The following RACGAP1 variants were observed in gnomAD, a reference collection of about 807,000 sequenced individuals.
The protein encoded by RACGAP1 is Rac GTPase activating protein 1.
In RACGAP1, 30 loss-of-function variants were observed where a neutral mutation model predicts 78.1. That is an observed-to-expected ratio of 0.38 (90% CI 0.29 to 0.52). RACGAP1 has a LOEUF of 0.52. RACGAP1 is among the 20% of genes least tolerant of loss of function. The pLI is 0.82. For synonymous variants in RACGAP1, 231 were observed against 264.8 expected (o/e 0.87, Z 1.24); for missense variants, 587 against 777.1 (o/e 0.76, Z 2.91).
At chr12:50,028,423 G>A (rs977041448), upstream of RACGAP1, among the ~76,000 whole-genome samples, 2 of 152,308 alleles carry the variant, frequency 1.3e-5, no homozygotes, top group South Asian at 2.1e-4. Context: ...TCCAACCCCA[G>A]TGAAACTGTT....
At position 49,999,287 on chromosome 12, in the gene RACGAP1, C is replaced by A; in HGVS notation, c.749-16G>T. ...TGTAAAGTACCTAGAAAACAAGCAA[C>A]TTTTAAGCTTTGTGTCTTAAGTATT... On this transcript the variant is annotated splice_polypyrimidine_tract_variant and intron_variant, in intron 8 of 16. Coordinates refer to ENST00000312377, the MANE Select transcript of RACGAP1 (RefSeq NM_001319999.2). 1 of 1,589,410 alleles carries A rather than the reference C, an allele frequency of 6.3e-7. No individual in the cohort carries two copies. Among genetic ancestry groups the A allele is most frequent in the Non-Finnish European group, 8.5e-7 (1 of 1,173,350 alleles).
chr12:50,019,431 G>T (rs1010137616), intron 1 of RACGAP1, among the ~76,000 whole-genome samples: 3 of 152,078 alleles, frequency 2.0e-5, no homozygotes, highest in Non-Finnish European at 4.4e-5. Context: ...AAAAAAAATT[G>T]ATAAGTGTTA....
chr12:50,033,344 G>C (rs2137782932), upstream of RACGAP1, among the ~76,000 whole-genome samples: 1 of 152,158 alleles, frequency 6.6e-6, no homozygotes, highest in East Asian at 1.9e-4. Context: ...TGTGTTCTGG[G>C]GGTCCAGGGA....
In RACGAP1 at chr12:49,990,030, G is replaced by C; in HGVS notation, c.*238C>G. Reference sequence around the variant, plus strand: ...ATACTAACCCTTCTACCCCTGGAAAGATGTCTCATCTAAAAGCTCCCAACA... The same window carrying C: ...ATACTAACCCTTCTACCCCTGGAAACATGTCTCATCTAAAAGCTCCCAACA... On this transcript the variant is annotated 3_prime_UTR_variant, in exon 17 of 17. Transcript: ENST00000312377. The C allele has an allele frequency of 2.4e-6, 1 of 421,944 alleles. No homozygotes were observed. Among genetic ancestry groups the C allele is most frequent in the East Asian group, 3.2e-5 (1 of 30,796 alleles). 26.1% of individuals were successfully genotyped at this position (421,944 alleles called of 1,614,324 possible). A position where few individuals can be genotyped will look rare whatever the true frequency, so the allele number is the denominator to read the frequency against.
chr12:50,030,955 T>A (rs887573666), intron 2 of RACGAP1, among the ~76,000 whole-genome samples: 2 of 151,388 alleles, frequency 1.3e-5, no homozygotes, highest in Admixed American at 1.3e-4. Context: ...ACTTTTTGTA[T>A]TTTTAGTAGA....
chr12:50,020,892 C>A (rs1267011096), intron 1 of RACGAP1, among the ~76,000 whole-genome samples: 5 of 152,172 alleles, frequency 3.3e-5, no homozygotes, highest in Non-Finnish European at 7.4e-5. Flanking sequence ...ATGGCACTAG[C>A]AGAATATAAT....
chr12:50,020,674 C>T (rs1415705492), intron 1 of RACGAP1, among the ~76,000 whole-genome samples: 1 of 152,136 alleles, frequency 6.6e-6, no homozygotes, highest in East Asian at 1.9e-4. Flanking sequence ...CAGACCTACT[C>T]AGAGACCTCC....
intron 12 of RACGAP1, among the ~76,000 whole-genome samples, chr12:49,992,886 G>T (rs1592129969): frequency 6.6e-6 from 1 of 152,304 alleles, no homozygotes; most frequent in East Asian, 1.9e-4. Context: ...AAAGCAGTTG[G>T]CAACTGATGT....
In RACGAP1 at chr12:49,990,737, T is replaced by C. The variant is rs1437883537; in HGVS notation, c.1770A>G (p.Ser590=). The C allele has an allele frequency of 1.2e-6, 2 of 1,614,096 alleles. No individual in the cohort carries two copies. Among genetic ancestry groups the C allele is most frequent in the African/African-American group, 1.3e-5 (1 of 75,048 alleles). ...TPEHQLLKTP[S]SSSLSQRVRS... ...GGACTCTCTGTGACAGGGAACTAGA[T>C]GAAGGAGTCTTGAGAAGCTGATGTT... Residue 590 remains serine, a synonymous_variant, in exon 16 of 17, where the codon TCA becomes TCG. Transcript: ENST00000312377.
intron 10 of RACGAP1, among the ~76,000 whole-genome samples, chr12:49,995,111 G>A (rs145556456): frequency 4.3e-4 from 66 of 152,312 alleles, no homozygotes; most frequent in African/African-American, 1.6e-3. Context: ...CACTGTAGGA[G>A]GCCGAGGTGG....
At chr12:50,000,785 C>T (rs747154551) in intron 7 of RACGAP1, among the ~76,000 whole-genome samples, 12 of 152,176 alleles carry the variant, frequency 7.9e-5, no homozygotes, top group Non-Finnish European at 1.5e-4. Flanking sequence ...CACGGAGGCT[C>T]ACGCCTGTAA....
At chr12:50,025,363 G>A in intron 1 of RACGAP1, 35 bp downstream of exon 1, 1 of 985,722 alleles carries the variant, frequency 1.0e-6, no homozygotes, top group Non-Finnish European at 1.2e-6. Flanking sequence ...CAATCCAGCG[G>A]CAGACGCACC....
chr12:50,005,460 G>A lies in RACGAP1; in HGVS notation c.289-68C>T, dbSNP rs1026378810. ...AGAAAGCTTCACCTCAAGTTTATGG[G>A]ACAGGCAGACCAGAAGACATTAAAA... On this transcript the variant is annotated intron_variant, in intron 3 of 16. Coordinates refer to ENST00000312377, the MANE Select transcript of RACGAP1 (RefSeq NM_001319999.2). 29 of 1,575,884 alleles carry A rather than the reference G, an allele frequency of 1.8e-5. No individual in the cohort carries two copies. The South Asian group carries it at 3.0e-4, about 17-fold the overall frequency.
chr12:50,016,251 C>T (rs772380888), intron 2 of RACGAP1, among the ~76,000 whole-genome samples: 2 of 152,006 alleles, frequency 1.3e-5, no homozygotes, highest in African/African-American at 4.8e-5. Context: ...GGCGTGGTGG[C>T]GTGTGTCTGT....
At position 50,002,253 on chromosome 12, in the gene RACGAP1, TTC is replaced by T; in HGVS notation, c.541_542del (p.Glu181LysfsTer6). The T allele has an allele frequency of 6.2e-7, 1 of 1,613,190 alleles. No homozygotes were observed. Among genetic ancestry groups the T allele is most frequent in the Non-Finnish European group, 8.5e-7 (1 of 1,179,378 alleles). On this transcript the variant is annotated frameshift_variant, in exon 6 of 17. Coordinates refer to ENST00000312377, the MANE Select transcript of RACGAP1 (RefSeq NM_001319999.2). LOFTEE classifies it high-confidence loss of function. Reference protein sequence around the residue: ...LVKTFKLKKREKRRSTSRQFV... With the variant: ...LVKTFKLKKRXKRRSTSRQFV... ...CTAAACAAATCATACATACCCTCTTTTCTCTCTTCTTCAGTTTGAAAGTCTTC... is the reference window on the plus strand; with the variant it reads ...CTAAACAAATCATACATACCCTCTTTTCTCTTCTTCAGTTTGAAAGTCTTC...
At chr12:49,994,724 TTTTC>T (rs1271559837) in intron 10 of RACGAP1, among the ~76,000 whole-genome samples, 1 of 152,172 alleles carries the variant, frequency 6.6e-6, no homozygotes, top group Non-Finnish European at 1.5e-5. Context: ...ATACCACACT[TTTTC>T]TTTTTCATAT....
chr12:49,992,710 G>C, intron 12 of RACGAP1, 55 bp from the exon 13 acceptor site: 2 of 1,410,170 alleles, frequency 1.4e-6, no homozygotes, highest in Admixed American at 2.0e-5. Flanking sequence ...TTGACAGCGG[G>C]CTTCCAAGTT....
chr12:50,013,234 A>G (rs1949463335), intron 2 of RACGAP1, among the ~76,000 whole-genome samples: 1 of 152,230 alleles, frequency 6.6e-6, no homozygotes, highest in Non-Finnish European at 1.5e-5. Flanking sequence ...GATTTTTGGC[A>G]TAATCATTTC....
intron 2 of RACGAP1, among the ~76,000 whole-genome samples, chr12:50,012,542 G>A (rs925764037): frequency 5.3e-5 from 8 of 150,504 alleles, no homozygotes; most frequent in Non-Finnish European, 1.0e-4. Context: ...GCCTGGGTAA[G>A]AAGAGTGAAA....
Sources: gnomAD v4.1 joint callset for allele counts (sites outside exome capture counted in the v4.1 genomes callset) on GRCh38, gnomAD v4.1.1 for gene constraint, MANE v1.5 for transcripts, NCBI Gene and HGNC (gene_info 2026-07-23, HGNC 2026-07-21) for gene names.